Variants in C2orf80 observed in about 807,000 individuals in gnomAD.
C2orf80 encodes the protein chromosome 2 open reading frame 80, also known as uncharacterized protein C2orf80.
A neutral mutation model predicts 30.2 loss-of-function variants in C2orf80; 28 were observed. That is an observed-to-expected ratio of 0.93 (90% CI 0.69 to 1.27). The LOEUF (loss-of-function observed/expected upper bound fraction) is 1.27. Ranked by LOEUF, C2orf80 falls within the 50% of genes most tolerant of loss-of-function variation. The probability of loss-of-function intolerance (pLI) is 0.00; values close to 1 mark genes in which losing one functional copy is unlikely to be tolerated. For synonymous variants in C2orf80, 80 were observed against 76.4 expected, an observed-to-expected ratio of 1.05 and a Z score of -0.24; for missense variants, 220 against 231.0, an observed-to-expected ratio of 0.95 and a Z score of 0.31.
At chr2:208,169,780 AAATATGTTTGAAGGAAAATTG>A (rs1696036497) in intron 8 of C2orf80, among the ~76,000 whole-genome samples, 3 of 152,262 alleles carry the variant, frequency 2.0e-5, no homozygotes, top group Admixed American at 2.0e-4. Flanking sequence ...TTATTATAGC[AAATATGTTTGAAGGAAAATTG>A]AATATGGTGA....
chr2:208,170,331 G>C (rs547207433), intron 8 of C2orf80, among the ~76,000 whole-genome samples: 4 of 152,244 alleles, frequency 2.6e-5, no homozygotes, highest in African/African-American at 9.6e-5. Flanking sequence ...TTACAGCTGA[G>C]AGCCCAGAGC....
chr2:208,172,068 C>A lies in C2orf80; in HGVS notation c.374G>T (p.Arg125Leu), dbSNP rs199911442. The A allele has an allele frequency of 3.1e-6, 5 of 1,612,800 alleles. No homozygotes were observed. The highest frequency in any genetic ancestry group is 1.3e-5 in the African/African-American group (1 of 74,990). Residue 125 changes from arginine to leucine, a missense_variant, in exon 7 of 9, where the codon CGA (arginine) becomes CTA (leucine). By Grantham distance (102) the Arg-to-Leu change is moderately radical. Transcript: ENST00000341287. Reference sequence around the variant, plus strand: ...CAAGGAGAGGCAGAGAGATGAAACTCGGGGAACCTGAAAGGAAAACAGTCC... The same window carrying A: ...CAAGGAGAGGCAGAGAGATGAAACTAGGGGAACCTGAAAGGAAAACAGTCC... ...SADSGTIKVP[R>L]VSSLCLSLHP...
intron 6 of C2orf80, 117 bp from the exon 7 acceptor site, chr2:208,172,192 G>A (rs1355291230): frequency 8.5e-6 from 7 of 824,898 alleles, no homozygotes; most frequent in Non-Finnish European, 1.5e-5. Flanking sequence ...CAATTGTTGA[G>A]TACTGTCCAA....
intron 6 of C2orf80, among the ~76,000 whole-genome samples, chr2:208,179,110 C>T (rs1696467668): frequency 6.6e-6 from 1 of 152,134 alleles, no homozygotes; most frequent in African/African-American, 2.4e-5. Flanking sequence ...ACCACTGTAT[C>T]CCCTGCACCT....
chr2:208,181,736 C>T (rs1246132057), intron 4 of C2orf80, among the ~76,000 whole-genome samples: 2 of 152,004 alleles, frequency 1.3e-5, no homozygotes, highest in Admixed American at 6.6e-5. Flanking sequence ...CGTATTCCAC[C>T]TCCCCTGCGC....
chr2:208,169,995 A>G (rs1354410750), intron 8 of C2orf80, among the ~76,000 whole-genome samples: 1 of 152,200 alleles, frequency 6.6e-6, no homozygotes, highest in African/African-American at 2.4e-5. Flanking sequence ...CCTAAGCCTC[A>G]TGTAGTCCAG....
intron 6 of C2orf80, among the ~76,000 whole-genome samples, chr2:208,173,870 C>T (rs1696193067): frequency 6.6e-6 from 1 of 151,968 alleles, no homozygotes; most frequent in Non-Finnish European, 1.5e-5. Flanking sequence ...TTTGCTTGGT[C>T]TTTGTCTTTT....
intron 8 of C2orf80, among the ~76,000 whole-genome samples, chr2:208,170,188 C>G (rs1348061447): frequency 1.3e-5 from 2 of 152,158 alleles, no homozygotes; most frequent in Admixed American, 6.5e-5. Context: ...TCTCATTCAA[C>G]AAAACTCTAA....
At chr2:208,180,694 A>G in intron 6 of C2orf80, 51 bp downstream of exon 6, 1 of 1,385,358 alleles carries the variant, frequency 7.2e-7, no homozygotes, top group Non-Finnish European at 1.0e-6. Flanking sequence ...TATACACTAA[A>G]TAAATTATCT....
At chr2:208,188,855 A>G (rs1470902353) in intron 1 of C2orf80, among the ~76,000 whole-genome samples, 3 of 152,316 alleles carry the variant, frequency 2.0e-5, no homozygotes, top group Middle Eastern at 3.4e-3. Flanking sequence ...TTCACAGGAA[A>G]TTGATTAAGT....
chr2:208,183,070 G>C (rs372696268), intron 3 of C2orf80, 23 bp from the exon 4 acceptor site: 9 of 1,604,436 alleles, frequency 5.6e-6, no homozygotes, highest in Non-Finnish European at 6.8e-6. Flanking sequence ...AGCACAGAGA[G>C]CAAAGAAACA....
intron 6 of C2orf80, among the ~76,000 whole-genome samples, chr2:208,172,582 G>A (rs995166702): frequency 1.3e-5 from 2 of 152,130 alleles, no homozygotes; most frequent in Non-Finnish European, 2.9e-5. Flanking sequence ...TGGTAATCAG[G>A]GGGAATGCAA....
chr2:208,177,362 C>T (rs1459055843), intron 6 of C2orf80, among the ~76,000 whole-genome samples: 2 of 151,490 alleles, frequency 1.3e-5, no homozygotes, highest in Admixed American at 1.3e-4. Context: ...ACCAACATGG[C>T]GAAACCCCAT....
chr2:208,165,839 G>C (rs754115948), intron 8 of C2orf80, 24 bp from the exon 9 acceptor site: 1 of 1,559,110 alleles, frequency 6.4e-7, no homozygotes. Context: ...GATGATTTTG[G>C]TATCAAGCAC....
intron 2 of C2orf80, among the ~76,000 whole-genome samples, chr2:208,185,235 C>G (rs1487303704): frequency 6.6e-6 from 1 of 151,856 alleles, no homozygotes; most frequent in Non-Finnish European, 1.5e-5. Context: ...CCATAATTAA[C>G]TGAAATAACA....
intron 8 of C2orf80, among the ~76,000 whole-genome samples, chr2:208,169,136 G>A (rs960420485): frequency 1.3e-5 from 2 of 152,050 alleles, no homozygotes; most frequent in Non-Finnish European, 2.9e-5. Flanking sequence ...TTAAAAATAA[G>A]ATACCAATGA....
intron 4 of C2orf80, 132 bp from the exon 5 acceptor site, chr2:208,181,437 G>T: frequency 1.8e-6 from 1 of 565,450 alleles, no homozygotes. Context: ...TAATAAAATT[G>T]GTATGATTGT....
At chr2:208,179,500 G>T (rs186377064) in intron 6 of C2orf80, among the ~76,000 whole-genome samples, 1 of 152,192 alleles carries the variant, frequency 6.6e-6, no homozygotes, top group East Asian at 1.9e-4. Flanking sequence ...GCGTGAGGAC[G>T]TTGGTGCCCC....
intron 2 of C2orf80, 92 bp from the exon 3 acceptor site, chr2:208,185,124 C>T: frequency 1.3e-6 from 1 of 775,510 alleles, no homozygotes; most frequent in Admixed American, 2.4e-5. Flanking sequence ...CTCCCTCCCC[C>T]ACCAAAATAC....
Sources: gnomAD v4.1 joint callset for allele counts (sites outside exome capture counted in the v4.1 genomes callset) on GRCh38, gnomAD v4.1.1 for gene constraint, MANE v1.5 for transcripts, NCBI Gene and HGNC (gene_info 2026-07-23, HGNC 2026-07-21) for gene names.